TBC1D16: variants seen among roughly 807,000 people sequenced by gnomAD.
The protein encoded by TBC1D16 is TBC1 domain family member 16, also known as CTD-2529O21.1.
In TBC1D16, 58 loss-of-function variants were observed where a neutral mutation model predicts 74.7. That is an observed-to-expected ratio of 0.78 (90% CI 0.63 to 0.97). The LOEUF (loss-of-function observed/expected upper bound fraction) is 0.97. Ranked by LOEUF, TBC1D16 falls within the 50% of genes least tolerant of loss-of-function variation. The pLI, the probability that TBC1D16 is intolerant of heterozygous loss-of-function variation, is 0.00. For synonymous variants in TBC1D16, 493 were observed against 474.7 expected (o/e 1.04, Z -0.50); for missense variants, 1,014 against 1,079.5 (o/e 0.94, Z 0.85).
At chr17:79,978,928 C>T (rs1049997323) in intron 3 of TBC1D16, among the ~76,000 whole-genome samples, 1 of 152,206 alleles carries the variant, frequency 6.6e-6, no homozygotes, top group Non-Finnish European at 1.5e-5. Flanking sequence ...TTTTGAGAGC[C>T]AATCGTTCTG....
intron 3 of TBC1D16, among the ~76,000 whole-genome samples, chr17:79,953,835 A>C (rs981636601): frequency 6.7e-6 from 1 of 149,938 alleles, no homozygotes; most frequent in African/African-American, 2.5e-5. Flanking sequence ...GCAGTGTGCG[A>C]TCTCGGCTCA....
intron 10 of TBC1D16, among the ~76,000 whole-genome samples, chr17:79,943,226 G>C (rs1033435560): frequency 6.6e-6 from 1 of 152,192 alleles, no homozygotes; most frequent in African/African-American, 2.4e-5. Flanking sequence ...AATCTGGGAC[G>C]GTCTTGTTTT....
intron 3 of TBC1D16, among the ~76,000 whole-genome samples, chr17:79,999,533 C>CTTTTT (rs71163906): frequency 2.9e-4 from 22 of 76,466 alleles, no homozygotes; most frequent in Non-Finnish European, 4.3e-4. Flanking sequence ...CCCCAAATTT[C>CTTTTT]TTTTTTTTTT....
chr17:80,028,444 G>A (rs1444044627), intron 1 of TBC1D16, among the ~76,000 whole-genome samples: 3 of 151,682 alleles, frequency 2.0e-5, no homozygotes, highest in South Asian at 2.1e-4. Context: ...CAGGAGAATC[G>A]CTTGAACCCA....
At chr17:79,958,860 C>A (rs978082434) in intron 3 of TBC1D16, among the ~76,000 whole-genome samples, 1 of 152,208 alleles carries the variant, frequency 6.6e-6, no homozygotes, top group Non-Finnish European at 1.5e-5. Flanking sequence ...CTGCTCCCAC[C>A]ACTTCTAGTC....
At chr17:79,962,661 C>T (rs2033668865) in intron 3 of TBC1D16, among the ~76,000 whole-genome samples, 1 of 152,006 alleles carries the variant, frequency 6.6e-6, no homozygotes, top group Non-Finnish European at 1.5e-5. Context: ...AGGCCAGGCG[C>T]GGTGGCTCAT....
At chr17:80,019,027 C>G (rs1476130685) in intron 1 of TBC1D16, among the ~76,000 whole-genome samples, 1 of 150,262 alleles carries the variant, frequency 6.7e-6, no homozygotes, top group East Asian at 1.9e-4. Context: ...AAGGCCGCAG[C>G]GGGGCTGGAG....
rs1022251565 is a variant in TBC1D16 at position 80,000,010 on chromosome 17, A to C, written c.779+10150T>G. On this transcript the variant is annotated intron_variant, in intron 3 of 11. Coordinates refer to ENST00000310924, the MANE Select transcript of TBC1D16 (RefSeq NM_019020.4). The surrounding 1 kb of genome is among the most constrained non-coding windows in gnomAD (Gnocchi z 4.1). ...GGCCATGAGGAGCAACTGACATGACAGAAACAAGGAGTTTCTCAGGGCCCT... is the reference window on the plus strand; with the variant it reads ...GGCCATGAGGAGCAACTGACATGACCGAAACAAGGAGTTTCTCAGGGCCCT... Among the ~76,000 whole-genome samples the C allele has an allele frequency of 1.3e-5, 2 of 152,152 alleles. No individual in the cohort carries two copies. Among genetic ancestry groups the C allele is most frequent in the African/African-American group, 4.8e-5 (2 of 41,426 alleles).
In TBC1D16 at chr17:79,950,616, A is replaced by G. The variant is rs542412426; in HGVS notation, c.1090-38T>C. The G allele has an allele frequency of 1.3e-6, 2 of 1,599,174 alleles. No homozygotes were observed. Among genetic ancestry groups the G allele is most frequent in the African/African-American group, 2.7e-5 (2 of 74,844 alleles). On this transcript the variant is annotated intron_variant, in intron 5 of 11. Transcript: ENST00000310924. This position sits in a 1 kb window ranked among gnomAD's most constrained non-coding sequence, Gnocchi z 4.6. ...AAAACTGGGCAAAGGTCAGGATCTCAGCCGCGCGGCTTCAGAGGCCAGCAG... is the reference window on the plus strand; with the variant it reads ...AAAACTGGGCAAAGGTCAGGATCTCGGCCGCGCGGCTTCAGAGGCCAGCAG...
intron 3 of TBC1D16, among the ~76,000 whole-genome samples, chr17:79,963,183 CT>C (rs1159748418): frequency 6.6e-6 from 1 of 150,894 alleles, no homozygotes; most frequent in Non-Finnish European, 1.5e-5. Context: ...TGCCACTGCA[CT>C]GCCGCCTGGG....
At chr17:79,963,501 C>T (rs1036619881) in intron 3 of TBC1D16, among the ~76,000 whole-genome samples, 6 of 152,262 alleles carry the variant, frequency 3.9e-5, no homozygotes, top group African/African-American at 7.2e-5. Context: ...CACCAATTGA[C>T]GGGTTGCTCT....
rs1303213517 is a variant in TBC1D16, at chr17:79,950,284, G to C, written c.1257+127C>G. ...ACAGAGAGCCTCACACAAGAAAACG[G>C]GGCCCTCACGAGGAGGTGGCCCGTG... is the stretch of plus-strand genomic sequence containing the variant. On this transcript the variant is annotated intron_variant, in intron 6 of 11. Transcript: ENST00000310924. This position sits in a 1 kb window ranked among gnomAD's most constrained non-coding sequence, Gnocchi z 4.6. The C allele has an allele frequency of 1.9e-5, 20 of 1,038,270 alleles. 1 individual carries two copies. The highest frequency in any genetic ancestry group is 3.2e-4 in the Middle Eastern group (1 of 3,078). 64.3% of individuals were successfully genotyped at this position (1,038,270 alleles called of 1,614,324 possible).
intron 3 of TBC1D16, among the ~76,000 whole-genome samples, chr17:79,996,709 CT>C (rs992490467): frequency 2.6e-5 from 4 of 152,156 alleles, no homozygotes; most frequent in African/African-American, 9.7e-5. Context: ...GGCAAAAACC[CT>C]GTCTCTATTT....
chr17:80,030,991 A>G (rs1040620548), intron 1 of TBC1D16, among the ~76,000 whole-genome samples: 1 of 152,222 alleles, frequency 6.6e-6, no homozygotes, highest in East Asian at 1.9e-4. Context: ...CACGCAAACA[A>G]GGATCGCGTT....
At chr17:79,949,355 C>G (rs2032839121) in intron 7 of TBC1D16, among the ~76,000 whole-genome samples, 1 of 152,240 alleles carries the variant, frequency 6.6e-6, no homozygotes, top group African/African-American at 2.4e-5. Context: ...GAGCTGAGCC[C>G]AGTCCCGGGT....
chr17:79,946,814 C>T (rs917373090), intron 9 of TBC1D16, among the ~76,000 whole-genome samples: 2 of 152,204 alleles, frequency 1.3e-5, no homozygotes, highest in African/African-American at 4.8e-5. Flanking sequence ...AGGGCCAGAC[C>T]CCACACACCC....
rs1018047063 is a variant in TBC1D16, at chr17:79,975,310, C to T, written c.780-22492G>A. On this transcript the variant is annotated intron_variant, in intron 3 of 11. Transcript: ENST00000310924. The surrounding 1 kb of genome is among the most constrained non-coding windows in gnomAD (Gnocchi z 4.5). ...TGTAATCTACCTGGATTGGAACGCC[C>T]AGCTTTGTACAGCCTGAGCTCTGGC... is the stretch of plus-strand genomic sequence containing the variant. 8.8e-4 allele frequency among the ~76,000 whole-genome samples: 134 copies of T among 152,350 alleles called. No homozygotes were observed. The highest frequency in any genetic ancestry group is 3.1e-3 in the African/African-American group (130 of 41,578).
rs2035034535 is a variant in TBC1D16 at position 79,990,952 on chromosome 17, G to T, written c.779+19208C>A. On this transcript the variant is annotated intron_variant, in intron 3 of 11. Coordinates refer to ENST00000310924, the MANE Select transcript of TBC1D16 (RefSeq NM_019020.4). The surrounding 1 kb of genome is among the most constrained non-coding windows in gnomAD (Gnocchi z 4.8). The stretch of plus-strand genomic sequence containing the variant: ...AGGCTGAACGTTCCGCTGGGTGTGT[G>T]TGGAACATGTGTGTGAACACACCGC... Among the ~76,000 whole-genome samples the T allele has an allele frequency of 6.6e-6, 1 of 152,248 alleles. No homozygotes were observed. The highest frequency in any genetic ancestry group is 1.5e-5 in the Non-Finnish European group (1 of 68,036).
intron 3 of TBC1D16, among the ~76,000 whole-genome samples, chr17:79,999,422 T>G (rs2035398261): frequency 6.6e-6 from 1 of 151,286 alleles, no homozygotes; most frequent in African/African-American, 2.4e-5. Flanking sequence ...GAATAGACAA[T>G]TACAATTCCC....
Sources: allele counts gnomAD v4.1 joint callset (sites outside exome capture counted in the v4.1 genomes callset), GRCh38; gene constraint gnomAD v4.1.1; non-coding constraint Gnocchi (gnomAD v3.1); transcripts MANE v1.5; gene names NCBI Gene and HGNC (gene_info 2026-07-23, HGNC 2026-07-21).